ZC3H14: variants seen among roughly 807,000 people sequenced by gnomAD.
ZC3H14 encodes zinc finger CCCH-type containing 14.
A neutral mutation model predicts 92.4 loss-of-function variants in ZC3H14; 31 were observed. The ratio of observed to expected loss-of-function variants is 0.34; its 90% CI spans 0.25 to 0.45. The LOEUF is 0.45. ZC3H14 is among the 20% of genes least tolerant of loss of function. The probability of loss-of-function intolerance (pLI) is 1.00; values close to 1 mark genes in which losing one functional copy is unlikely to be tolerated. For missense variants in ZC3H14, 781 were observed against 897.3 expected, an observed-to-expected ratio of 0.87 and a Z score of 1.66; for synonymous variants, 321 against 300.9, an observed-to-expected ratio of 1.07 and a Z score of -0.69.
chr14:88,607,879 ACCATCC>A, intron 13 of ZC3H14, among the ~76,000 whole-genome samples: 1 of 90,070 alleles, frequency 1.1e-5, no homozygotes, highest in African/African-American at 4.4e-5. Flanking sequence ...CCCTGCAAGT[ACCATCC>A]CCATCTCACC....
rs779485870 is a variant in ZC3H14 at position 88,601,920 on chromosome 14, T to C, written c.1355-4T>C. Reference sequence around the variant, plus strand: ...AACATTTGTGGCCAATTTTTTTGGCTCAGATTACTATGACATGGAATCCAT... The same window carrying C: ...AACATTTGTGGCCAATTTTTTTGGCCCAGATTACTATGACATGGAATCCAT... On this transcript the variant is annotated splice_polypyrimidine_tract_variant and splice_region_variant and intron_variant, in intron 10 of 16. Coordinates refer to ENST00000251038, the MANE Select transcript of ZC3H14 (RefSeq NM_024824.5). 6.2e-7 allele frequency: 1 copy of C among 1,613,984 alleles called. No homozygotes were observed. The highest frequency in any genetic ancestry group is 8.5e-7 in the Non-Finnish European group (1 of 1,179,884).
At position 88,620,576 on chromosome 14, in the gene ZC3H14, TA is replaced by T; in HGVS notation, c.*8827del. 2.0e-6 allele frequency: 1 copy of T among 503,260 alleles called. No homozygotes were observed. The allele number at this position is 503,260 out of a possible 1,614,324, so 31.2% of individuals were successfully genotyped here. A position where few individuals can be genotyped will look rare whatever the true frequency, so the allele number is the denominator to read the frequency against. On this transcript the variant is annotated 3_prime_UTR_variant, in exon 17 of 17. Coordinates refer to ENST00000251038, the MANE Select transcript of ZC3H14 (RefSeq NM_024824.5). The surrounding 1 kb of genome is among the most constrained non-coding windows in gnomAD (Gnocchi z 4.3). ...TTATAGTTGGTGCCCAGTGGGTTTA[TA>T]ATTTAGCAAGAAGAATTAAGTAGTA...
At position 88,613,773 on chromosome 14, in the gene ZC3H14, T is replaced by A; in HGVS notation, c.*2022T>A. On this transcript the variant is annotated 3_prime_UTR_variant, in exon 17 of 17. Coordinates refer to ENST00000251038, the MANE Select transcript of ZC3H14 (RefSeq NM_024824.5). ...TGAATGGAACAAAAGGTGCCAGAAGTCCCAGGTTACACAATCAGGAGCTTA... is the reference window on the plus strand; with the variant it reads ...TGAATGGAACAAAAGGTGCCAGAAGACCCAGGTTACACAATCAGGAGCTTA... 6.6e-6 allele frequency: 1 copy of A among 152,074 alleles called. No homozygotes were observed. Among genetic ancestry groups the A allele is most frequent in the Non-Finnish European group, 1.5e-5 (1 of 67,998 alleles). The allele number at this position is 152,074 out of a possible 1,614,324, so 9.4% of individuals were successfully genotyped here.
intron 9 of ZC3H14, among the ~76,000 whole-genome samples, chr14:88,592,971 C>CT (rs11403585): frequency 0.6 from 84,108 of 140,526 alleles, 26,923 homozygotes; most frequent in Non-Finnish European, 0.74. Context: ...CTTTACTATT[C>CT]TTTTTTTTTT....
rs1414126354 is a variant in ZC3H14, at chr14:88,613,625, T to C, written c.*1874T>C. 3 of 152,074 alleles carry C rather than the reference T, an allele frequency of 2.0e-5. No individual in the cohort carries two copies. Among genetic ancestry groups the C allele is most frequent in the Non-Finnish European group, 4.4e-5 (3 of 68,020 alleles). 9.4% of individuals were successfully genotyped at this position (152,074 alleles called of 1,614,324 possible). On this transcript the variant is annotated 3_prime_UTR_variant, in exon 17 of 17. Coordinates refer to ENST00000251038, the MANE Select transcript of ZC3H14 (RefSeq NM_024824.5). ...ACCATAAAACATTTGTTGGATGACGTGGTTTAAAATGATCACCACAAAAAG... is the reference window on the plus strand; with the variant it reads ...ACCATAAAACATTTGTTGGATGACGCGGTTTAAAATGATCACCACAAAAAG...
Position 88,625,226 on chromosome 14 carries a change from G to A in ZC3H14, c.*13475G>A. On this transcript the variant is annotated 3_prime_UTR_variant, in exon 17 of 17. Coordinates refer to ENST00000251038, the MANE Select transcript of ZC3H14 (RefSeq NM_024824.5). ...GTATGTGTAATGCTGTCTCACCCTT[G>A]ATACAAAGAGCATGCATCGTGTAGT... is the stretch of plus-strand genomic sequence containing the variant. 7.3e-7 allele frequency: 1 copy of A among 1,368,594 alleles called. No individual in the cohort carries two copies. The highest frequency in any genetic ancestry group is 9.9e-7 in the Non-Finnish European group (1 of 1,007,582). The allele number at this position is 1,368,594 out of a possible 1,614,324, so 84.8% of individuals were successfully genotyped here. A position where few individuals can be genotyped will look rare whatever the true frequency, so the allele number is the denominator to read the frequency against.
intron 6 of ZC3H14, chr14:88,574,417 T>G (rs773034811): frequency 2.7e-6 from 1 of 372,606 alleles, no homozygotes; most frequent in South Asian, 2.2e-5. Flanking sequence ...AGCTAATTTT[T>G]GTATTTTTAT....
At position 88,616,337 on chromosome 14, in the gene ZC3H14, G is replaced by T; in HGVS notation, c.*4586G>T. 1 of 1,233,882 alleles carries T rather than the reference G, an allele frequency of 8.1e-7. No individual in the cohort carries two copies. Among genetic ancestry groups the T allele is most frequent in the South Asian group, 1.2e-5 (1 of 80,020 alleles). 76.4% of individuals were successfully genotyped at this position (1,233,882 alleles called of 1,614,324 possible). A position where few individuals can be genotyped will look rare whatever the true frequency, so the allele number is the denominator to read the frequency against. ...TATAATCTCTATGACAAGAGCTGTG[G>T]AGAGAGTAGGGAGTTAGCACCGCAG... On this transcript the variant is annotated 3_prime_UTR_variant, in exon 17 of 17. Transcript: ENST00000251038.
chr14:88,599,982 T>TA (rs1418573178), intron 10 of ZC3H14, among the ~76,000 whole-genome samples: 2 of 152,208 alleles, frequency 1.3e-5, no homozygotes, highest in Non-Finnish European at 2.9e-5. Context: ...CTGAATATGT[T>TA]AAACACTTCT....
chr14:88,585,136 G>A (rs2082322451), intron 9 of ZC3H14, among the ~76,000 whole-genome samples: 1 of 152,044 alleles, frequency 6.6e-6, no homozygotes, highest in Non-Finnish European at 1.5e-5. Flanking sequence ...ATATTATAAA[G>A]CTGGATTTTG....
chr14:88,602,003 A>G lies in ZC3H14; in HGVS notation c.1434A>G (p.Val478=). 1 of 1,614,210 alleles carries G rather than the reference A, an allele frequency of 6.2e-7. No individual in the cohort carries two copies. The highest frequency in any genetic ancestry group is 1.1e-5 in the South Asian group (1 of 91,082). Residue 478 remains valine (V), a synonymous_variant, in exon 11 of 17, where the codon GTA becomes GTG. Transcript: ENST00000251038. ...ILKKPKLSEE[V]VVAPNQESGM... is the part of the protein sequence containing the mutation. The stretch of plus-strand genomic sequence containing the variant: ...AGAAGCCAAAGCTGTCTGAGGAAGT[A>G]GTAGTGGCACCAAACCAAGAGTCGG...
chr14:88,571,864 C>T (rs368570198), intron 4 of ZC3H14, among the ~76,000 whole-genome samples, 166 bp from the exon 5 acceptor site: 15 of 151,860 alleles, frequency 9.9e-5, no homozygotes, highest in East Asian at 1.9e-4. Context: ...CTTGGGAGGC[C>T]GGGGCAGGAG....
Position 88,609,764 on chromosome 14 carries a change from T to G in ZC3H14, c.2058T>G (p.Pro686=). The G allele has an allele frequency of 6.2e-7, 1 of 1,614,208 alleles. No homozygotes were observed. The part of the protein sequence containing the change: ...PSSSQLCRYF[P]ACKKMECPFY... Reference sequence around the variant, plus strand: ...GTAGTCAGCTCTGCCGTTACTTCCCTGCTTGTAAGAAGATGGAATGTCCCT... The same window carrying G: ...GTAGTCAGCTCTGCCGTTACTTCCCGGCTTGTAAGAAGATGGAATGTCCCT... Residue 686 remains proline (P), a synonymous_variant, in exon 15 of 17, where the codon CCT becomes CCG. Coordinates refer to ENST00000251038, the MANE Select transcript of ZC3H14 (RefSeq NM_024824.5).
intron 13 of ZC3H14, 59 bp downstream of exon 13, chr14:88,607,422 G>A: frequency 6.9e-7 from 1 of 1,448,610 alleles, no homozygotes; most frequent in Non-Finnish European, 9.2e-7. Context: ...ATCTCACCCT[G>A]CAAGTACCAT....
At chr14:88,595,124 T>G in intron 9 of ZC3H14, 1 of 1,605,742 alleles carries the variant, frequency 6.2e-7, no homozygotes, top group Non-Finnish European at 8.5e-7. Flanking sequence ...AAACTCTTAA[T>G]ATATGATATG....
chr14:88,607,386 A>T, intron 13 of ZC3H14, 23 bp downstream of exon 13: 1 of 1,452,214 alleles, frequency 6.9e-7, no homozygotes, highest in Non-Finnish European at 9.2e-7. Context: ...CCCCCATCTC[A>T]CCCTGCAAGT....
rs1299299847 is a variant in ZC3H14, at chr14:88,574,583, G to C, written c.862-110G>C. The C allele has an allele frequency of 6.7e-6, 9 of 1,346,380 alleles. No homozygotes were observed. The East Asian group carries it at 2.1e-4, about 31-fold the overall frequency. The allele number at this position is 1,346,380 out of a possible 1,614,324, so 83.4% of individuals were successfully genotyped here. ...TACATAAAACCAAGAAATACTCTGT[G>C]AATTTCTCATATTACTGTGTACTGT... On this transcript the variant is annotated intron_variant, in intron 6 of 16. Transcript: ENST00000251038.
chr14:88,590,140 AAG>A, intron 9 of ZC3H14: 1 of 152,106 alleles, frequency 6.6e-6, no homozygotes, highest in Middle Eastern at 3.5e-3. Context: ...CAAAAAAAAA[AAG>A]GCAAAAAAAA....
In ZC3H14 at chr14:88,616,082, G is replaced by A; in HGVS notation, c.*4331G>A. 1.3e-6 allele frequency: 2 copies of A among 1,548,272 alleles called. No homozygotes were observed. The highest frequency in any genetic ancestry group is 1.8e-6 in the Non-Finnish European group (2 of 1,121,318). On this transcript the variant is annotated 3_prime_UTR_variant, in exon 17 of 17. Coordinates refer to ENST00000251038, the MANE Select transcript of ZC3H14 (RefSeq NM_024824.5). ...ATAAACCAAAGCTGTAGGAGTTGTT[G>A]TATTAAGTCTCTTAACTAGTAACAT...
Sources: gnomAD v4.1 joint callset for allele counts (sites outside exome capture counted in the v4.1 genomes callset) on GRCh38, gnomAD v4.1.1 for gene constraint, Gnocchi (gnomAD v3.1) non-coding constraint, MANE v1.5 for transcripts, NCBI Gene and HGNC (gene_info 2026-07-23, HGNC 2026-07-21) for gene names.